RNGTT: variants seen among roughly 807,000 people sequenced by gnomAD.
The protein encoded by RNGTT is RNA guanylyltransferase and 5'-phosphatase.
A neutral mutation model predicts 79.3 loss-of-function variants in RNGTT; 33 were observed. That is an observed-to-expected ratio of 0.42 (90% confidence interval 0.32 to 0.56). The LOEUF (loss-of-function observed/expected upper bound fraction) is 0.56, where lower values mean the gene tolerates loss of function less well. Ranked by LOEUF, RNGTT falls within the 20% of genes least tolerant of loss-of-function variation. The probability of loss-of-function intolerance (pLI) is 0.17; values close to 1 mark genes in which losing one functional copy is unlikely to be tolerated. For synonymous variants in RNGTT, 222 were observed against 235.9 expected, an observed-to-expected ratio of 0.94 and a Z score of 0.54; for missense variants, 497 against 739.1, an observed-to-expected ratio of 0.67 and a Z score of 3.80.
chr6:88,926,544 T>C (rs1408720182), intron 4 of RNGTT, among the ~76,000 whole-genome samples: 1 of 152,246 alleles, frequency 6.6e-6, no homozygotes, highest in Non-Finnish European at 1.5e-5. Context: ...TTCATGTTTA[T>C]TTTAATATTT....
chr6:88,672,722 A>C (rs1774703007), intron 14 of RNGTT, among the ~76,000 whole-genome samples: 1 of 152,228 alleles, frequency 6.6e-6, no homozygotes, highest in African/African-American at 2.4e-5. Flanking sequence ...TTTTTCAAAA[A>C]AAGTTGAAAT....
chr6:88,740,278 G>A (rs112378991), intron 13 of RNGTT, among the ~76,000 whole-genome samples: 2 of 152,146 alleles, frequency 1.3e-5, no homozygotes, highest in South Asian at 2.1e-4. Flanking sequence ...AGCACTTTGG[G>A]GGGGCCGAGG....
chr6:88,918,088 C>T (rs1033418906), intron 4 of RNGTT, among the ~76,000 whole-genome samples: 5 of 151,246 alleles, frequency 3.3e-5, no homozygotes, highest in African/African-American at 4.9e-5. Context: ...GAGGCCGAGG[C>T]GGGAATATCA....
intron 13 of RNGTT, among the ~76,000 whole-genome samples, chr6:88,763,746 G>T (rs909308848): frequency 3.3e-5 from 5 of 152,066 alleles, no homozygotes; most frequent in African/African-American, 1.2e-4. Flanking sequence ...AGATTTCTAG[G>T]GGTCCAATGG....
intron 11 of RNGTT, among the ~76,000 whole-genome samples, chr6:88,813,754 A>T (rs1238935783): frequency 1.3e-5 from 2 of 152,160 alleles, no homozygotes; most frequent in African/African-American, 4.8e-5. Context: ...AACTTCTCCT[A>T]ATCTCTACTC....
intron 13 of RNGTT, among the ~76,000 whole-genome samples, chr6:88,721,719 C>T (rs1157607452): frequency 6.6e-6 from 1 of 152,042 alleles, no homozygotes; most frequent in Non-Finnish European, 1.5e-5. Context: ...TAACAAGCCA[C>T]CTACAATCTT....
At chr6:88,848,756 G>C (rs1270182019) in intron 10 of RNGTT, among the ~76,000 whole-genome samples, 2 of 151,998 alleles carry the variant, frequency 1.3e-5, no homozygotes, top group Admixed American at 6.6e-5. Flanking sequence ...TTCTGGGCAA[G>C]AGATTTGAGA....
chr6:88,938,452 C>T (rs1784738723), intron 2 of RNGTT, among the ~76,000 whole-genome samples: 2 of 152,196 alleles, frequency 1.3e-5, no homozygotes, highest in Admixed American at 1.3e-4. Context: ...TTGTAGGCAG[C>T]ATATGGATAA....
In RNGTT at chr6:88,628,076, CAG is replaced by C. The variant is rs1347708852; in HGVS notation, c.1507-13683_1507-13682del. Among the ~76,000 whole-genome samples, 3 of 152,240 alleles carry C rather than the reference CAG, an allele frequency of 2.0e-5. No individual in the cohort carries two copies. The East Asian group carries it at 5.8e-4, about 29-fold the overall frequency. ...TATTGACAAAGGCATTACGTAAGTACAGAGTGATAATCACATTGCTCAGAGCC... is the reference window on the plus strand; with the variant it reads ...TATTGACAAAGGCATTACGTAAGTACAGTGATAATCACATTGCTCAGAGCC... On this transcript the variant is annotated intron_variant, in intron 14 of 15. Transcript: ENST00000369485.
intron 14 of RNGTT, among the ~76,000 whole-genome samples, chr6:88,635,713 T>C (rs138010031): frequency 1.6e-4 from 24 of 152,160 alleles, no homozygotes; most frequent in African/African-American, 5.8e-4. Context: ...TACCTTGGAG[T>C]TGATGCAGTT....
chr6:88,697,057 A>G (rs921026123), intron 13 of RNGTT, among the ~76,000 whole-genome samples: 10 of 152,178 alleles, frequency 6.6e-5, no homozygotes, highest in Admixed American at 2.6e-4. Flanking sequence ...TATATTCCAC[A>G]TTAAAAAGAA....
intron 13 of RNGTT, among the ~76,000 whole-genome samples, chr6:88,685,525 G>A (rs998882861): frequency 1.3e-5 from 2 of 151,592 alleles, no homozygotes; most frequent in Admixed American, 1.3e-4. Flanking sequence ...ACTTCAGAGA[G>A]GAGAGGGGAG....
At chr6:88,845,821 A>G (rs763297503) in intron 10 of RNGTT, among the ~76,000 whole-genome samples, 17 of 152,200 alleles carry the variant, frequency 1.1e-4, no homozygotes, top group Non-Finnish European at 2.2e-4. Context: ...TCTGTAAAGG[A>G]TATTTATTGG....
intron 13 of RNGTT, among the ~76,000 whole-genome samples, chr6:88,766,462 T>C (rs756113900): frequency 2.0e-5 from 3 of 152,106 alleles, no homozygotes; most frequent in Non-Finnish European, 4.4e-5. Flanking sequence ...TGAAAATCTA[T>C]ATTGTGTATA....
At chr6:88,899,768 G>A (rs773524989) in intron 6 of RNGTT, among the ~76,000 whole-genome samples, 15 of 152,142 alleles carry the variant, frequency 9.9e-5, no homozygotes, top group Non-Finnish European at 1.6e-4. Context: ...TAGAGGCACT[G>A]TTTCAAAAAT....
Position 88,963,556 on chromosome 6 carries a change from T to C in RNGTT, c.-147A>G. 1.4e-6 allele frequency: 1 copy of C among 693,060 alleles called. No homozygotes were observed. The highest frequency in any genetic ancestry group is 2.2e-6 in the Non-Finnish European group (1 of 449,066). 42.9% of individuals were successfully genotyped at this position (693,060 alleles called of 1,614,324 possible). ...TCCAACCTCTCCGATCCGGGTAACGTCAGGGGCGGCGCGCCACTTTCATTC... is the reference window on the plus strand; with the variant it reads ...TCCAACCTCTCCGATCCGGGTAACGCCAGGGGCGGCGCGCCACTTTCATTC... On this transcript the variant is annotated 5_prime_UTR_variant, in exon 1 of 16. The change abolishes the stop of an existing upstream ORF in the 5' untranslated region. Transcript: ENST00000369485.
At chr6:88,787,214 C>A (rs1481156370) in intron 12 of RNGTT, among the ~76,000 whole-genome samples, 1 of 152,078 alleles carries the variant, frequency 6.6e-6, no homozygotes, top group Non-Finnish European at 1.5e-5. Context: ...TTTGAATCAA[C>A]AGCAAAACAC....
intron 14 of RNGTT, among the ~76,000 whole-genome samples, chr6:88,625,622 G>A (rs1035544265): frequency 5.3e-5 from 8 of 151,766 alleles, no homozygotes; most frequent in African/African-American, 1.9e-4. Context: ...TTTTAATGGC[G>A]GTGGTGGGGG....
At position 88,791,004 on chromosome 6, in the gene RNGTT, C is replaced by T. The variant is rs528559330; in HGVS notation, c.1338+10560G>A. Among the ~76,000 whole-genome samples, 9 of 152,068 alleles carry T rather than the reference C, an allele frequency of 5.9e-5. No homozygotes were observed. In the East Asian group the frequency reaches 1.5e-3, roughly 26 times the overall value. Reference sequence around the variant, plus strand: ...ATAACTTTGGTGGGCTGAAAAATGGCGACCTAGAGATATCAGGAATGCGTT... The same window carrying T: ...ATAACTTTGGTGGGCTGAAAAATGGTGACCTAGAGATATCAGGAATGCGTT... On this transcript the variant is annotated intron_variant, in intron 12 of 15. Transcript: ENST00000369485.
Sources: allele counts gnomAD v4.1 joint callset (sites outside exome capture counted in the v4.1 genomes callset), GRCh38; gene constraint gnomAD v4.1.1; transcripts MANE v1.5; gene names NCBI Gene and HGNC (gene_info 2026-07-23, HGNC 2026-07-21).